The following GRIN2A variants were observed in gnomAD, a reference collection of about 807,000 sequenced individuals.
GRIN2A encodes the protein glutamate receptor ionotropic, NMDA 2A.
A neutral mutation model predicts 113.4 loss-of-function variants in GRIN2A; 22 were observed. The ratio of observed to expected loss-of-function variants is 0.19; its 90% CI spans 0.14 to 0.28. The LOEUF (loss-of-function observed/expected upper bound fraction) is 0.28, where lower values mean the gene tolerates loss of function less well. GRIN2A is among the 10% of genes least tolerant of loss of function. The pLI is 1.00. For missense variants in GRIN2A, 1,502 were observed against 1,887.0 expected (o/e 0.80, Z 3.78); for synonymous variants, 827 against 738.4 (o/e 1.12, Z -1.94).
chr16:10,075,283 A>G (rs909872208), intron 2 of GRIN2A, among the ~76,000 whole-genome samples: 4 of 152,248 alleles, frequency 2.6e-5, no homozygotes, highest in African/African-American at 9.6e-5. Flanking sequence ...GTCATACTAA[A>G]TCAGATTAGG....
chr16:9,981,259 G>A (rs1345940204), intron 2 of GRIN2A, among the ~76,000 whole-genome samples: 4 of 152,154 alleles, frequency 2.6e-5, no homozygotes, highest in East Asian at 3.9e-4. Flanking sequence ...GCTGCTCAGC[G>A]CCTCCAATCA....
At chr16:9,853,656 A>T (rs1440533671) in intron 4 of GRIN2A, among the ~76,000 whole-genome samples, 1 of 152,244 alleles carries the variant, frequency 6.6e-6, no homozygotes, top group African/African-American at 2.4e-5. Context: ...AAAAAGATTT[A>T]TAGAAGTCAC....
In GRIN2A at chr16:9,764,100, C is replaced by T. The variant is rs1192386958; in HGVS notation, c.3444G>A (p.Pro1148=). The change falls in exon 13 of 13, where the codon CCG becomes CCA. Residue 1148 remains proline, a synonymous_variant. Transcript: ENST00000330684. ...NVTLPENVDF[P]DPYQDPSENF... ...TTTCACTGGGATCCTGGTAGGGGTCCGGGAAGTCCACGTTCTCGGGCAGGG... is the reference window on the plus strand; with the variant it reads ...TTTCACTGGGATCCTGGTAGGGGTCTGGGAAGTCCACGTTCTCGGGCAGGG... 4 of 1,613,542 alleles carry T rather than the reference C, an allele frequency of 2.5e-6. No homozygotes were observed. The highest frequency in any genetic ancestry group is 1.3e-5 in the African/African-American group (1 of 74,848).
At chr16:9,849,999 C>A (rs370800735) in intron 4 of GRIN2A, 38 bp from the exon 5 acceptor site, 149 of 1,560,886 alleles carry the variant, frequency 9.5e-5, no homozygotes, top group Admixed American at 3.8e-4. Context: ...GTGCTTTCTT[C>A]CGCCGCTGAT....
chr16:10,053,766 T>C (rs2047398883), intron 2 of GRIN2A, among the ~76,000 whole-genome samples: 2 of 152,228 alleles, frequency 1.3e-5, no homozygotes, highest in Non-Finnish European at 2.9e-5. Flanking sequence ...TCGTGGTTTG[T>C]AATGGCAAGA....
At chr16:10,012,835 A>T (rs2046533699) in intron 2 of GRIN2A, among the ~76,000 whole-genome samples, 1 of 152,236 alleles carries the variant, frequency 6.6e-6, no homozygotes, top group African/African-American at 2.4e-5. Context: ...TTTTAGCTCC[A>T]TGAGACCCAT....
At chr16:9,860,103 G>A (rs1435694867) in intron 4 of GRIN2A, among the ~76,000 whole-genome samples, 1 of 151,950 alleles carries the variant, frequency 6.6e-6, no homozygotes, top group African/African-American at 2.4e-5. Context: ...GGATGCTGTT[G>A]AAGAACACAG....
intron 2 of GRIN2A, among the ~76,000 whole-genome samples, chr16:9,940,408 A>G (rs1190016837): frequency 6.6e-6 from 1 of 152,160 alleles, no homozygotes; most frequent in African/African-American, 2.4e-5. Flanking sequence ...TTGGATAATT[A>G]TTGTTTTCCC....
intron 3 of GRIN2A, among the ~76,000 whole-genome samples, chr16:9,932,102 T>G (rs967126784): frequency 6.6e-6 from 1 of 152,178 alleles, no homozygotes; most frequent in African/African-American, 2.4e-5. Flanking sequence ...ATAAGGACAT[T>G]TTTCTTTCTC....
chr16:9,761,789 C>T lies in GRIN2A; in HGVS notation c.*1360G>A, dbSNP rs751970217. On this transcript the variant is annotated 3_prime_UTR_variant, in exon 13 of 13. Transcript: ENST00000330684. ...GAGAATAAGAATGGGATAATGCAGG[C>T]GACTCAGAAATGACAAATACTTTGA... is the stretch of plus-strand genomic sequence containing the variant. 7 of 206,680 alleles carry T rather than the reference C, an allele frequency of 3.4e-5. No homozygotes were observed. The highest frequency in any genetic ancestry group is 3.8e-4 in the South Asian group (2 of 5,262). 12.8% of individuals were successfully genotyped at this position (206,680 alleles called of 1,614,324 possible).
intron 2 of GRIN2A, chr16:10,112,479 A>G: frequency 2.3e-6 from 2 of 877,254 alleles, no homozygotes; most frequent in Non-Finnish European, 1.9e-6. Flanking sequence ...TGTGGCATCC[A>G]GACCGTGGGG....
At chr16:9,859,957 T>C (rs1164147870) in intron 4 of GRIN2A, among the ~76,000 whole-genome samples, 1 of 151,928 alleles carries the variant, frequency 6.6e-6, no homozygotes, top group African/African-American at 2.4e-5. Flanking sequence ...CTGGAAGCCC[T>C]GGGGCTACGG....
Position 9,938,279 on chromosome 16 carries a change from G to A in GRIN2A, c.687C>T (p.Leu229=), listed in dbSNP as rs372649219. The stretch of plus-strand genomic sequence containing the variant: ...GAACAGCCTCGTCTTTGGAACAGTA[G>A]AGCAAGATGACAGAAGAGTGGATCT... ...LKKIHSSVIL[L]YCSKDEAVLI... is the part of the protein sequence containing the mutation. Residue 229 remains leucine (L), a synonymous_variant, in exon 3 of 13, where the codon CTC becomes CTT. Transcript: ENST00000330684. 2.0e-5 allele frequency: 32 copies of A among 1,613,976 alleles called. No individual in the cohort carries two copies. Among genetic ancestry groups the A allele is most frequent in the Middle Eastern group, 3.3e-4 (2 of 6,084 alleles).
At chr16:9,867,171 C>T (rs1405725196) in intron 4 of GRIN2A, among the ~76,000 whole-genome samples, 1 of 152,134 alleles carries the variant, frequency 6.6e-6, no homozygotes, top group East Asian at 1.9e-4. Context: ...CTGAGTCAAT[C>T]CCACCACTTC....
rs886052532 is a variant in GRIN2A, at chr16:9,757,676, C to T, written c.*5473G>A. 4.6e-6 allele frequency: 1 copy of T among 219,704 alleles called. No homozygotes were observed. Among genetic ancestry groups the T allele is most frequent in the Non-Finnish European group, 9.1e-6 (1 of 109,594 alleles). The allele number at this position is 219,704 out of a possible 1,614,324, so 13.6% of individuals were successfully genotyped here. On this transcript the variant is annotated 3_prime_UTR_variant, in exon 13 of 13. Coordinates refer to ENST00000330684, the MANE Select transcript of GRIN2A (RefSeq NM_001134407.3). The stretch of plus-strand genomic sequence containing the variant: ...TCCTCAATGCATGATACATAGACCT[C>T]AATTATTTCAATGGTCACTGCCAGC...
intron 3 of GRIN2A, among the ~76,000 whole-genome samples, chr16:9,899,554 G>T (rs1262075513): frequency 1.3e-5 from 2 of 149,650 alleles, no homozygotes; most frequent in African/African-American, 2.5e-5. Context: ...AAGAAGAAAA[G>T]GATTTTTATA....
rs2141630122 is a variant in GRIN2A at position 9,938,087 on chromosome 16, C to T, written c.879G>A (p.Arg293=). ...DWDYSLEARV[R]DGIGILTTAA... Reference sequence around the variant, plus strand: ...CGGTGGTTAGGATGCCAATGCCGTCCCTCACTCTCGCCTCCAGGCTGTAGT... The same window carrying T: ...CGGTGGTTAGGATGCCAATGCCGTCTCTCACTCTCGCCTCCAGGCTGTAGT... The change falls in exon 3 of 13, where the codon AGG becomes AGA. Residue 293 remains arginine (R), a synonymous_variant. Coordinates refer to ENST00000330684, the MANE Select transcript of GRIN2A (RefSeq NM_001134407.3). The T allele has an allele frequency of 6.2e-7, 1 of 1,613,964 alleles. No individual in the cohort carries two copies. The highest frequency in any genetic ancestry group is 1.3e-5 in the African/African-American group (1 of 75,034).
intron 2 of GRIN2A, among the ~76,000 whole-genome samples, chr16:9,999,209 T>C (rs2046279806): frequency 6.6e-6 from 1 of 152,178 alleles, no homozygotes. Context: ...TGGTTAAGAA[T>C]CCAAGTTCTG....
At chr16:10,182,436 C>G (rs535695425), upstream of GRIN2A, 2 of 152,136 alleles carry the variant, frequency 1.3e-5, no homozygotes, top group Admixed American at 6.5e-5. Flanking sequence ...GAGGAGGTAA[C>G]GAGGGTGGGG....
Sources: gnomAD v4.1 joint callset for allele counts (sites outside exome capture counted in the v4.1 genomes callset) on GRCh38, gnomAD v4.1.1 for gene constraint, MANE v1.5 for transcripts, NCBI Gene and HGNC (gene_info 2026-07-23, HGNC 2026-07-21) for gene names.